The following GRIN2A variants were observed in gnomAD, a reference collection of about 807,000 sequenced individuals.
GRIN2A encodes glutamate receptor ionotropic, NMDA 2A.
GRIN2A carries 22 observed loss-of-function variants against 113.4 expected under a neutral mutation model. That is an observed-to-expected ratio of 0.19 (90% CI 0.14 to 0.28). GRIN2A has a LOEUF of 0.28. Among genes scored for constraint, GRIN2A ranks in the 10% least tolerant of loss-of-function variants. GRIN2A has a pLI of 1.00. For missense variants in GRIN2A, 1,502 were observed against 1,887.0 expected (o/e 0.80, Z 3.78); for synonymous variants, 827 against 738.4 (o/e 1.12, Z -1.94).
At chr16:10,102,429 A>G (rs72774200) in intron 2 of GRIN2A, among the ~76,000 whole-genome samples, 12,080 of 152,314 alleles carry the variant, frequency 0.079, 623 homozygotes, top group Non-Finnish European at 0.12. Flanking sequence ...CCAGAAGCCA[A>G]GCTGAAGCCA....
At chr16:10,108,269 G>A (rs1009729825) in intron 2 of GRIN2A, among the ~76,000 whole-genome samples, 1 of 152,216 alleles carries the variant, frequency 6.6e-6, no homozygotes, top group Non-Finnish European at 1.5e-5. Context: ...CAGAGAGCTT[G>A]TGCAGGAGAA....
chr16:10,119,992 G>A (rs532119452), intron 2 of GRIN2A, among the ~76,000 whole-genome samples: 2 of 152,100 alleles, frequency 1.3e-5, no homozygotes, highest in African/African-American at 2.4e-5. Flanking sequence ...ATTGATGGGC[G>A]TTTAGGTGGA....
chr16:9,832,390 A>G (rs1471977523), intron 8 of GRIN2A, among the ~76,000 whole-genome samples: 1 of 152,158 alleles, frequency 6.6e-6, no homozygotes, highest in African/African-American at 2.4e-5. Context: ...CTCAATGAAC[A>G]TCCTTTCCCA....
chr16:10,092,253 C>T (rs758057671), intron 2 of GRIN2A, among the ~76,000 whole-genome samples: 7 of 152,202 alleles, frequency 4.6e-5, no homozygotes, highest in Non-Finnish European at 8.8e-5. Context: ...ACCATAATTA[C>T]ATGCACATAC....
chr16:9,819,994 T>C (rs1290124136), intron 10 of GRIN2A, among the ~76,000 whole-genome samples: 1 of 140,720 alleles, frequency 7.1e-6, no homozygotes, highest in African/African-American at 2.6e-5. Flanking sequence ...AAAGTAACAA[T>C]GCAAAGCATC....
At chr16:10,101,647 A>G (rs940154862) in intron 2 of GRIN2A, among the ~76,000 whole-genome samples, 5 of 152,206 alleles carry the variant, frequency 3.3e-5, no homozygotes, top group African/African-American at 1.2e-4. Context: ...CCAATTATAA[A>G]CTTGGGACAA....
intron 2 of GRIN2A, among the ~76,000 whole-genome samples, chr16:10,142,773 C>G (rs1878942736): frequency 1.3e-5 from 2 of 152,184 alleles, no homozygotes; most frequent in African/African-American, 4.8e-5. Context: ...TCTCTCAAGT[C>G]CCTGTCTCTG....
chr16:9,965,886 C>A (rs151176059), intron 2 of GRIN2A, among the ~76,000 whole-genome samples: 1 of 152,176 alleles, frequency 6.6e-6, no homozygotes, highest in Non-Finnish European at 1.5e-5. Flanking sequence ...GAATGTGTGG[C>A]CTCTTGGTTT....
chr16:9,798,827 G>A (rs1168762877), intron 10 of GRIN2A, among the ~76,000 whole-genome samples: 1 of 152,214 alleles, frequency 6.6e-6, no homozygotes, highest in Non-Finnish European at 1.5e-5. Context: ...CTAAGGGGCA[G>A]AAGAATTTGG....
chr16:9,957,325 G>T (rs1360075376), intron 2 of GRIN2A, among the ~76,000 whole-genome samples: 1 of 152,138 alleles, frequency 6.6e-6, no homozygotes, highest in African/African-American at 2.4e-5. Flanking sequence ...ATAGGATTGA[G>T]CTCCAAACAC....
intron 2 of GRIN2A, among the ~76,000 whole-genome samples, chr16:10,030,112 G>C (rs1278066830): frequency 2.6e-5 from 4 of 152,134 alleles, no homozygotes; most frequent in East Asian, 3.9e-4. Flanking sequence ...CTATGTGCAA[G>C]CTGGGCTGCC....
rs2044765744 is a variant in GRIN2A, at chr16:9,938,345, G to A, written c.621C>T (p.Asp207=). ...GWDMQNVITL[D]TSFEDAKTQV... ...GTGTCTTTGCATCCTCAAAGGAAGTGTCCAGTGTGATCACATTCTGCATGT... is the reference window on the plus strand; with the variant it reads ...GTGTCTTTGCATCCTCAAAGGAAGTATCCAGTGTGATCACATTCTGCATGT... The change falls in exon 3 of 13, where the codon GAC becomes GAT. Residue 207 remains aspartate (D), a synonymous_variant. Coordinates refer to ENST00000330684, the MANE Select transcript of GRIN2A (RefSeq NM_001134407.3). The A allele has an allele frequency of 6.2e-6, 10 of 1,614,022 alleles. No homozygotes were observed. Among genetic ancestry groups the A allele is most frequent in the Non-Finnish European group, 8.5e-6 (10 of 1,179,898 alleles).
intron 2 of GRIN2A, among the ~76,000 whole-genome samples, chr16:10,009,524 A>T (rs1446288181): frequency 6.6e-6 from 1 of 152,114 alleles, no homozygotes; most frequent in Non-Finnish European, 1.5e-5. Flanking sequence ...CAAGGACGGC[A>T]CAACCCCTAG....
In GRIN2A at chr16:9,761,471, G is replaced by T. The variant is rs1267452715; in HGVS notation, c.*1678C>A. 8.7e-6 allele frequency: 2 copies of T among 230,582 alleles called. No individual in the cohort carries two copies. Among genetic ancestry groups the T allele is most frequent in the Non-Finnish European group, 1.7e-5 (2 of 116,536 alleles). 14.3% of individuals were successfully genotyped at this position (230,582 alleles called of 1,614,324 possible). On this transcript the variant is annotated 3_prime_UTR_variant, in exon 13 of 13. Transcript: ENST00000330684. ...GGTCTTCTGCAAACACTGATGGCTA[G>T]TTATCCCAAATACTTCAAAAATATT...
chr16:9,964,622 G>A (rs1469129765), intron 2 of GRIN2A, among the ~76,000 whole-genome samples: 2 of 152,140 alleles, frequency 1.3e-5, no homozygotes, highest in Non-Finnish European at 2.9e-5. Context: ...TTCAGAGGCT[G>A]CCCACATTCC....
chr16:9,924,044 G>A (rs904211450), intron 3 of GRIN2A, among the ~76,000 whole-genome samples: 2 of 148,510 alleles, frequency 1.3e-5, no homozygotes, highest in African/African-American at 5.0e-5. Flanking sequence ...GGAGAAGGTG[G>A]AGGTTGTAGT....
chr16:9,772,645 G>C (rs2141161240), intron 11 of GRIN2A, among the ~76,000 whole-genome samples: 1 of 152,220 alleles, frequency 6.6e-6, no homozygotes, highest in South Asian at 2.1e-4. Flanking sequence ...CAAAGTGCTA[G>C]GATTACAGGC....
intron 2 of GRIN2A, among the ~76,000 whole-genome samples, chr16:10,069,094 G>A (rs8057034): frequency 0.095 from 14,467 of 151,988 alleles, 770 homozygotes; most frequent in African/African-American, 0.11. Context: ...GCCCTTAAAG[G>A]CTATTCAGAA....
At chr16:9,867,520 C>G (rs539960354) in intron 4 of GRIN2A, among the ~76,000 whole-genome samples, 2 of 152,314 alleles carry the variant, frequency 1.3e-5, no homozygotes, top group South Asian at 4.1e-4. Context: ...TAACACGCAT[C>G]CCAGCCCTTG....
Sources: allele counts gnomAD v4.1 joint callset (sites outside exome capture counted in the v4.1 genomes callset), GRCh38; gene constraint gnomAD v4.1.1; transcripts MANE v1.5; gene names NCBI Gene and HGNC (gene_info 2026-07-23, HGNC 2026-07-21).